ACVR2A: variants seen among roughly 807,000 people sequenced by gnomAD.
The protein encoded by ACVR2A is activin A receptor type 2A.
A neutral mutation model predicts 61.4 loss-of-function variants in ACVR2A; 7 were observed. That is an observed-to-expected ratio of 0.11 (90% CI 0.06 to 0.21). ACVR2A has a LOEUF of 0.21. Among genes scored for constraint, ACVR2A ranks in the 10% least tolerant of loss-of-function variants. The pLI, the probability that ACVR2A is intolerant of heterozygous loss-of-function variation, is 1.00. For synonymous variants in ACVR2A, 193 were observed against 208.3 expected, an observed-to-expected ratio of 0.93 and a Z score of 0.63; for missense variants, 322 against 621.7, an observed-to-expected ratio of 0.52 and a Z score of 5.13.
At chr2:147,894,850 A>G (rs1356688254) in intron 1 of ACVR2A, among the ~76,000 whole-genome samples, 1 of 152,170 alleles carries the variant, frequency 6.6e-6, no homozygotes, top group African/African-American at 2.4e-5. Context: ...TTGTTAGTTT[A>G]CAACTCAGTC....
intron 1 of ACVR2A, among the ~76,000 whole-genome samples, chr2:147,863,447 C>T (rs1315188403): frequency 6.6e-6 from 1 of 152,156 alleles, no homozygotes; most frequent in Admixed American, 6.5e-5. Flanking sequence ...CTTTTGACTC[C>T]ACCAGAAGTT....
At chr2:147,862,396 G>A (rs1685747086) in intron 1 of ACVR2A, among the ~76,000 whole-genome samples, 1 of 151,856 alleles carries the variant, frequency 6.6e-6, no homozygotes, top group African/African-American at 2.4e-5. Flanking sequence ...GCCATTGATT[G>A]CTGCAGATGT....
At chr2:147,848,653 A>G (rs151132941) in intron 1 of ACVR2A, among the ~76,000 whole-genome samples, 160 of 152,304 alleles carry the variant, frequency 1.1e-3, no homozygotes, top group African/African-American at 3.6e-3. Context: ...ACTGGGGTCT[A>G]CTCAAGGATG....
chr2:147,917,252 T>G (rs958576602), intron 5 of ACVR2A, 31 bp from the exon 6 acceptor site: 5 of 1,604,320 alleles, frequency 3.1e-6, no homozygotes, highest in Non-Finnish European at 3.4e-6. Context: ...GTATTCCTTG[T>G]GTTCTTACTA....
chr2:147,911,521 G>GT (rs1241728668), intron 4 of ACVR2A, among the ~76,000 whole-genome samples: 1 of 151,904 alleles, frequency 6.6e-6, no homozygotes, highest in Non-Finnish European at 1.5e-5. Flanking sequence ...TTTTGCCTGT[G>GT]TTTTTTCTTC....
At chr2:147,864,030 T>G (rs1293846392) in intron 1 of ACVR2A, among the ~76,000 whole-genome samples, 2 of 152,198 alleles carry the variant, frequency 1.3e-5, no homozygotes, top group African/African-American at 4.8e-5. Context: ...GAACATAATT[T>G]AATGTTAGTG....
intron 1 of ACVR2A, among the ~76,000 whole-genome samples, chr2:147,887,384 T>C (rs1257233760): frequency 6.6e-6 from 1 of 152,218 alleles, no homozygotes; most frequent in East Asian, 1.9e-4. Context: ...ATTGAATGCC[T>C]TCTGAGTTTC....
chr2:147,922,822 T>C, intron 8 of ACVR2A, 151 bp from the exon 9 acceptor site: 1 of 670,628 alleles, frequency 1.5e-6, no homozygotes, highest in Non-Finnish European at 2.4e-6. Flanking sequence ...TTTTTAAGTA[T>C]ACGCAGAAAG....
chr2:147,926,913 GTTT>G (rs1558816837), intron 10 of ACVR2A, among the ~76,000 whole-genome samples, 164 bp from the exon 11 acceptor site: 2 of 151,528 alleles, frequency 1.3e-5, no homozygotes, highest in African/African-American at 2.4e-5. Flanking sequence ...AAAAAGTTCT[GTTT>G]GTGCTTTTCT....
At chr2:147,881,615 GTGTGTGTGTGTGTGTGTGTGTGTGTGTA>G (rs1420076524) in intron 1 of ACVR2A, among the ~76,000 whole-genome samples, 80 of 95,702 alleles carry the variant, frequency 8.4e-4, no homozygotes, top group African/African-American at 2.4e-3. Context: ...GTGTGTGTGT[GTGTGTGTGTGTGTGTGTGTGTGTGTGTA>G]TGTGTGTGTG....
chr2:147,872,670 G>GT (rs973022288), intron 1 of ACVR2A, among the ~76,000 whole-genome samples: 6 of 149,860 alleles, frequency 4.0e-5, no homozygotes, highest in Admixed American at 6.7e-5. Context: ...AAATTATGAT[G>GT]TTTTTTTTCT....
intron 4 of ACVR2A, among the ~76,000 whole-genome samples, chr2:147,907,354 C>T (rs1165244439): frequency 6.6e-6 from 1 of 151,988 alleles, no homozygotes; most frequent in African/African-American, 2.4e-5. Context: ...GGGTATATAC[C>T]CAGTAATGGG....
chr2:147,881,843 A>G (rs1686310811), intron 1 of ACVR2A, among the ~76,000 whole-genome samples: 1 of 152,136 alleles, frequency 6.6e-6, no homozygotes, highest in Non-Finnish European at 1.5e-5. Context: ...AACAAGCCCT[A>G]TGTAGAGTAT....
intron 4 of ACVR2A, among the ~76,000 whole-genome samples, chr2:147,913,869 G>A (rs903166946): frequency 2.2e-5 from 3 of 136,890 alleles, no homozygotes; most frequent in East Asian, 4.4e-4. Context: ...TTTGAAATGA[G>A]TCACAAGAAG....
intron 1 of ACVR2A, chr2:147,877,454 G>A (rs1042710939): frequency 1.2e-4 from 19 of 152,126 alleles, no homozygotes; most frequent in African/African-American, 4.3e-4. Flanking sequence ...TACTAATATC[G>A]GAATAATAGA....
intron 4 of ACVR2A, among the ~76,000 whole-genome samples, chr2:147,913,147 A>G (rs958140557): frequency 2.8e-4 from 42 of 151,854 alleles, no homozygotes; most frequent in African/African-American, 9.4e-4. Context: ...TTAATGTTAT[A>G]CTAAAATCAT....
At chr2:147,856,729 A>G (rs1685589627) in intron 1 of ACVR2A, among the ~76,000 whole-genome samples, 1 of 152,220 alleles carries the variant, frequency 6.6e-6, no homozygotes, top group Admixed American at 6.5e-5. Flanking sequence ...TAGTAAAGCA[A>G]TTTGATTAGT....
intron 1 of ACVR2A, among the ~76,000 whole-genome samples, chr2:147,852,399 T>A (rs1236439253): frequency 1.3e-5 from 2 of 152,072 alleles, no homozygotes; most frequent in Non-Finnish European, 2.9e-5. Flanking sequence ...GGATTGTAAA[T>A]CCCTAAAACC....
In ACVR2A at chr2:147,922,964, C is replaced by G; in HGVS notation, c.1078-9C>G. On this transcript the variant is annotated splice_polypyrimidine_tract_variant and intron_variant, in intron 8 of 10. Transcript: ENST00000241416. The stretch of plus-strand genomic sequence containing the variant: ...AATGAGTACTCTTTGCTTTTAACAT[C>G]TTTTTCAGGTTGGTACCCGGAGGTA... 6.3e-7 allele frequency: 1 copy of G among 1,597,276 alleles called. No individual in the cohort carries two copies. Among genetic ancestry groups the G allele is most frequent in the Non-Finnish European group, 8.5e-7 (1 of 1,175,150 alleles).
Sources: gnomAD v4.1 joint callset for allele counts (sites outside exome capture counted in the v4.1 genomes callset) on GRCh38, gnomAD v4.1.1 for gene constraint, MANE v1.5 for transcripts, NCBI Gene and HGNC (gene_info 2026-07-23, HGNC 2026-07-21) for gene names.